WRAP53: variants seen among roughly 807,000 people sequenced by gnomAD.
WRAP53 encodes the protein telomerase Cajal body protein 1.
Under a neutral mutation model 56.6 loss-of-function variants are expected in WRAP53, and 28 were observed. The observed-to-expected ratio is 0.50, with a 90% confidence interval of 0.37 to 0.68. The LOEUF (loss-of-function observed/expected upper bound fraction) is 0.68. Among genes scored for constraint, WRAP53 ranks in the 30% least tolerant of loss-of-function variants. The pLI is 0.00. For missense variants in WRAP53, 671 were observed against 715.5 expected (o/e 0.94, Z 0.71); for synonymous variants, 283 against 283.4 (o/e 1.00, Z 0.01).
At position 7,688,880 on chromosome 17, in the gene WRAP53, C is replaced by T; in HGVS notation, c.232C>T (p.Pro78Ser). Residue 78 changes from proline to serine, a missense_variant, in exon 2 of 11, where the codon CCC (proline) becomes TCC (serine). Pro to Ser is a moderately conservative substitution (Grantham distance 74). Around this residue, in one of 3 missense-constraint regions of WRAP53, gnomAD observed 406 missense variants for 418.5 expected, o/e 0.97. Coordinates refer to ENST00000396463, the MANE Select transcript of WRAP53 (RefSeq NM_001143992.2). ...REGDPVSLST[P>S]LETEFGSPSE... Reference sequence around the variant, plus strand: ...GGGGGACCCAGTTTCTCTCTCCACTCCCCTGGAAACAGAGTTTGGTTCCCC... The same window carrying T: ...GGGGGACCCAGTTTCTCTCTCCACTTCCCTGGAAACAGAGTTTGGTTCCCC... 2 of 1,614,204 alleles carry T rather than the reference C, an allele frequency of 1.2e-6. No individual in the cohort carries two copies. Among genetic ancestry groups the T allele is most frequent in the Non-Finnish European group, 1.7e-6 (2 of 1,180,048 alleles).
At chr17:7,696,165 CGTTGGG>C (rs2074181270) in intron 4 of WRAP53, among the ~76,000 whole-genome samples, 2 of 151,614 alleles carry the variant, frequency 1.3e-5, no homozygotes, top group Non-Finnish European at 2.9e-5. Context: ...CAGGAGGAGT[CGTTGGG>C]GGAGATGAAG....
chr17:7,701,418 C>T lies in WRAP53; in HGVS notation c.732-41C>T, dbSNP rs747979280. ...CTGTGCCCGGCCATTCCTCCCCTTC[C>T]TTTGACAGCACCGGGGTTTCAGTGT... is the stretch of plus-strand genomic sequence containing the variant. On this transcript the variant is annotated intron_variant, in intron 5 of 10. Coordinates refer to ENST00000396463, the MANE Select transcript of WRAP53 (RefSeq NM_001143992.2). This position sits in a 1 kb window ranked among gnomAD's most constrained non-coding sequence, Gnocchi z 4.2. The T allele has an allele frequency of 6.2e-7, 1 of 1,610,436 alleles. No homozygotes were observed.
At chr17:7,687,256 C>T, upstream of WRAP53, 1 of 398,300 alleles carries the variant, frequency 2.5e-6, no homozygotes, top group Non-Finnish European at 4.4e-6. Context: ...CCACTCACCC[C>T]CAAACTCGCT....
rs909494338 is a variant in WRAP53 at position 7,688,981 on chromosome 17, G to A, written c.333G>A (p.Gly111=). ...NTSLPAEEAN[G]SLSEEEANGP... is the part of the protein sequence containing the mutation. ...GCCTTCCTGCAGAAGAAGCAAACGG[G>A]AGCCTTTCTGAAGAAGAAGCGAACG... The change falls in exon 2 of 11, where the codon GGG becomes GGA. Residue 111 remains glycine, a synonymous_variant. Coordinates refer to ENST00000396463, the MANE Select transcript of WRAP53 (RefSeq NM_001143992.2). 1.2e-6 allele frequency: 2 copies of A among 1,614,174 alleles called. No homozygotes were observed. The highest frequency in any genetic ancestry group is 4.5e-5 in the East Asian group (2 of 44,886).
In WRAP53 at chr17:7,703,417, C is replaced by T; in HGVS notation, c.1578C>T (p.Ser526=). ...LWWCGGAPDS[S]IPDDHQGEKG... is the part of the protein sequence containing the mutation. ...GGTGTGGGGGGGCGCCAGACTCCAG[C>T]ATCCCTGATGATCACCAGGGCGAGA... Residue 526 remains serine, a synonymous_variant, in exon 11 of 11, where the codon AGC becomes AGT. Coordinates refer to ENST00000396463, the MANE Select transcript of WRAP53 (RefSeq NM_001143992.2). 6.2e-7 allele frequency: 1 copy of T among 1,612,268 alleles called. No homozygotes were observed. The highest frequency in any genetic ancestry group is 1.7e-4 in the Middle Eastern group (1 of 6,054).
rs753960173 is a variant in WRAP53 at position 7,703,398 on chromosome 17, G to C, written c.1559G>C (p.Gly520Ala). The C allele has an allele frequency of 1.6e-5, 26 of 1,612,766 alleles. No homozygotes were observed. The highest frequency in any genetic ancestry group is 5.3e-5 in the African/African-American group (4 of 74,812). The change falls in exon 11 of 11, where the codon GGG becomes GCG. Residue 520 changes from glycine (G) to alanine (A), a missense_variant. Gly to Ala is a moderately conservative substitution (Grantham distance 60). Transcript: ENST00000396463. ...TGTCGGCTTCAGCTCTGGTGGTGTG[G>C]GGGGGCGCCAGACTCCAGCATCCCT... is the stretch of plus-strand genomic sequence containing the variant. ...LECRLQLWWC[G>A]GAPDSSIPDD... is the part of the protein sequence containing the mutation.
In WRAP53 at chr17:7,702,156, G is replaced by A; in HGVS notation, c.956-188G>A. 1.4e-6 allele frequency: 1 copy of A among 721,644 alleles called. No homozygotes were observed. Among genetic ancestry groups the A allele is most frequent in the East Asian group, 2.7e-5 (1 of 37,218 alleles). The allele number at this position is 721,644 out of a possible 1,614,324, so 44.7% of individuals were successfully genotyped here. On this transcript the variant is annotated intron_variant, in intron 7 of 10. Coordinates refer to ENST00000396463, the MANE Select transcript of WRAP53 (RefSeq NM_001143992.2). The surrounding 1 kb of genome is among the most constrained non-coding windows in gnomAD (Gnocchi z 5.0). ...TTGAGAGGGATGAAGTGGGGCTTGG[G>A]CATTTAGGTCCTTTGGGAGGATAGA...
chr17:7,691,413 C>A (rs1242707836), intron 4 of WRAP53, among the ~76,000 whole-genome samples: 9 of 128,738 alleles, frequency 7.0e-5, no homozygotes, highest in East Asian at 2.4e-4. Flanking sequence ...TTTTTTGAGA[C>A]GAGTCTTGCT....
intron 5 of WRAP53, 52 bp downstream of exon 5, chr17:7,700,881 G>T: frequency 7.3e-7 from 1 of 1,377,814 alleles, no homozygotes; most frequent in Non-Finnish European, 1.0e-6. Context: ...GTTTCAAGCA[G>T]GGCCTCTTGG....
At position 7,688,803 on chromosome 17, in the gene WRAP53, G is replaced by C; in HGVS notation, c.155G>C (p.Arg52Pro). ...PPPPERGDPP[R>P]LSPDPVAGSA... ...CCTCCCGAAAGGGGGGATCCGCCCCGGTTGTCCCCAGATCCTGTGGCTGGC... is the reference window on the plus strand; with the variant it reads ...CCTCCCGAAAGGGGGGATCCGCCCCCGTTGTCCCCAGATCCTGTGGCTGGC... Residue 52 changes from arginine to proline, a missense_variant, in exon 2 of 11, where the codon CGG becomes CCG. Around this residue, in one of 3 missense-constraint regions of WRAP53, gnomAD observed 406 missense variants for 418.5 expected, o/e 0.97. Coordinates refer to ENST00000396463, the MANE Select transcript of WRAP53 (RefSeq NM_001143992.2). The C allele has an allele frequency of 6.2e-7, 1 of 1,614,208 alleles. No homozygotes were observed. The highest frequency in any genetic ancestry group is 8.5e-7 in the Non-Finnish European group (1 of 1,180,038).
chr17:7,686,969 C>T (rs1414459365), upstream of WRAP53: 1 of 189,180 alleles, frequency 5.3e-6, no homozygotes, highest in African/African-American at 2.3e-5. Context: ...ATGCCATGGG[C>T]TCTAAAATAT....
upstream of WRAP53, chr17:7,688,251 G>A (rs1401697556): frequency 1.4e-5 from 3 of 212,500 alleles, no homozygotes; most frequent in Non-Finnish European, 2.9e-5. Flanking sequence ...GGGAGCGTAG[G>A]CGCTTCTCGC....
intron 4 of WRAP53, among the ~76,000 whole-genome samples, chr17:7,696,851 A>G (rs1004600549): frequency 6.6e-6 from 1 of 152,088 alleles, no homozygotes; most frequent in Admixed American, 6.6e-5. Context: ...ATTATGGACA[A>G]ATTGAGTTTG....
intron 4 of WRAP53, among the ~76,000 whole-genome samples, chr17:7,693,139 T>G (rs2074136651): frequency 6.7e-6 from 1 of 148,584 alleles, no homozygotes; most frequent in Non-Finnish European, 1.5e-5. Context: ...CACTCAGGGC[T>G]CTGCTGGGCC....
At chr17:7,696,241 C>T (rs2074182064) in intron 4 of WRAP53, among the ~76,000 whole-genome samples, 1 of 145,504 alleles carries the variant, frequency 6.9e-6, no homozygotes, top group Admixed American at 7.0e-5. Context: ...GAAAGTGTGG[C>T]GAGTTGGCAC....
chr17:7,700,656 C>G, intron 4 of WRAP53, 85 bp from the exon 5 acceptor site: 1 of 863,558 alleles, frequency 1.2e-6, no homozygotes, highest in South Asian at 1.3e-5. Context: ...TATATACACC[C>G]CATCTGCCAC....
rs751679850 is a variant in WRAP53, at chr17:7,700,726, C to G, written c.643-15C>G. ...TCCCTCCGAGTGACTCAGCCATTCC[C>G]CCGTCTCTGTATAGGTCCCTGTCCT... On this transcript the variant is annotated splice_polypyrimidine_tract_variant and intron_variant, in intron 4 of 10. Transcript: ENST00000396463. 7 of 1,600,582 alleles carry G rather than the reference C, an allele frequency of 4.4e-6. No homozygotes were observed. The highest frequency in any genetic ancestry group is 6.0e-6 in the Non-Finnish European group (7 of 1,168,334).
At position 7,694,205 on chromosome 17, in the gene WRAP53, G is replaced by T. The variant is rs113200408; in HGVS notation, c.642+4504G>T. ...TAAAACATTTTAAAAAATATATCTT[G>T]CAATACAGATAGTCAATTTGTTTTC... is the stretch of plus-strand genomic sequence containing the variant. On this transcript the variant is annotated intron_variant, in intron 4 of 10. Coordinates refer to ENST00000396463, the MANE Select transcript of WRAP53 (RefSeq NM_001143992.2). Among the ~76,000 whole-genome samples the T allele has an allele frequency of 2.5e-3, 368 of 150,160 alleles. 3 individuals are homozygous for T. The highest frequency in any genetic ancestry group is 8.5e-3 in the African/African-American group (346 of 40,934).
In WRAP53 at chr17:7,703,497, A is replaced by G; in HGVS notation, c.*11A>G. Reference sequence around the variant, plus strand: ...GGTGAGCTGATATAAAAAGGTTTTTATGATACTAGAGTCTTCGTGTCTGTT... The same window carrying G: ...GGTGAGCTGATATAAAAAGGTTTTTGTGATACTAGAGTCTTCGTGTCTGTT... On this transcript the variant is annotated 3_prime_UTR_variant, in exon 11 of 11. Coordinates refer to ENST00000396463, the MANE Select transcript of WRAP53 (RefSeq NM_001143992.2). The G allele has an allele frequency of 6.3e-7, 1 of 1,592,118 alleles. No individual in the cohort carries two copies. Among genetic ancestry groups the G allele is most frequent in the Middle Eastern group, 1.7e-4 (1 of 5,970 alleles).
Sources: gnomAD v4.1 joint callset for allele counts (sites outside exome capture counted in the v4.1 genomes callset) on GRCh38, gnomAD v4.1.1 for gene constraint, gnomAD v4.1.1 regional missense constraint, Gnocchi (gnomAD v3.1) non-coding constraint, MANE v1.5 for transcripts, NCBI Gene and HGNC (gene_info 2026-07-23, HGNC 2026-07-21) for gene names.